KIAA1217: variants seen among roughly 807,000 people sequenced by gnomAD.
The protein encoded by KIAA1217 is KIAA1217.
Under a neutral mutation model 163.9 loss-of-function variants are expected in KIAA1217, and 88 were observed. That is an observed-to-expected ratio of 0.54 (90% CI 0.45 to 0.64). The LOEUF (loss-of-function observed/expected upper bound fraction) is 0.64, where lower values mean the gene tolerates loss of function less well. Among genes scored for constraint, KIAA1217 ranks in the 30% least tolerant of loss-of-function variants. The pLI is 0.00. For missense variants in KIAA1217, 2,372 were observed against 2,475.0 expected, an observed-to-expected ratio of 0.96 and a Z score of 0.88; for synonymous variants, 903 against 923.1, an observed-to-expected ratio of 0.98 and a Z score of 0.39.
intron 1 of KIAA1217, among the ~76,000 whole-genome samples, chr10:23,872,774 A>G (rs1840517645): frequency 6.6e-6 from 1 of 152,116 alleles, no homozygotes; most frequent in South Asian, 2.1e-4. Flanking sequence ...ACAGTAACTC[A>G]GTGAACAGTT....
At chr10:24,149,341 G>A (rs1345551036) in intron 2 of KIAA1217, among the ~76,000 whole-genome samples, 2 of 152,030 alleles carry the variant, frequency 1.3e-5, no homozygotes, top group Middle Eastern at 6.8e-3. Context: ...CACCATGCCC[G>A]ACTAATTTTT....
rs191369645 is a variant in KIAA1217 at position 24,527,818 on chromosome 10, T to G, written c.2899-118T>G. ...ACCCAGGTCTTAAGCCCAGTACCCA[T>G]TAGTTATTTTTCCTGATCCTCTCCT... On this transcript the variant is annotated intron_variant, in intron 13 of 20. Coordinates refer to ENST00000376454, the MANE Select transcript of KIAA1217 (RefSeq NM_019590.5). 71 of 697,494 alleles carry G rather than the reference T, an allele frequency of 1.0e-4. No homozygotes were observed. The African/African-American group carries it at 1.1e-3, about 10-fold the overall frequency. The allele number at this position is 697,494 out of a possible 1,614,324, so 43.2% of individuals were successfully genotyped here. A position where few individuals can be genotyped will look rare whatever the true frequency, so the allele number is the denominator to read the frequency against.
intron 2 of KIAA1217, among the ~76,000 whole-genome samples, chr10:24,355,049 G>T (rs746135266): frequency 6.6e-6 from 1 of 152,176 alleles, no homozygotes; most frequent in African/African-American, 2.4e-5. Flanking sequence ...AGTATTTTTG[G>T]CTGTCTCCAG....
intron 2 of KIAA1217, among the ~76,000 whole-genome samples, chr10:24,311,661 C>T (rs973633341): frequency 5.3e-5 from 8 of 152,154 alleles, no homozygotes; most frequent in African/African-American, 9.7e-5. Context: ...CCATGCTGGG[C>T]GGTACTGCAG....
chr10:23,775,716 A>G (rs1208595283), intron 1 of KIAA1217, among the ~76,000 whole-genome samples: 1 of 152,258 alleles, frequency 6.6e-6, no homozygotes, highest in Non-Finnish European at 1.5e-5. Flanking sequence ...AGGTCATACT[A>G]GTATTTCACA....
chr10:24,068,412 G>T (rs1430970829), intron 2 of KIAA1217, among the ~76,000 whole-genome samples: 1 of 152,018 alleles, frequency 6.6e-6, no homozygotes, highest in East Asian at 1.9e-4. Context: ...GAGCATTTTG[G>T]TGACAGTTAT....
chr10:23,842,148 G>A (rs1197681371), intron 1 of KIAA1217, among the ~76,000 whole-genome samples: 1 of 152,136 alleles, frequency 6.6e-6, no homozygotes, highest in African/African-American at 2.4e-5. Flanking sequence ...GATTACAGGT[G>A]TGAGCCACCG....
chr10:24,090,081 G>A (rs921636937), intron 2 of KIAA1217, among the ~76,000 whole-genome samples: 5 of 151,264 alleles, frequency 3.3e-5, no homozygotes, highest in Non-Finnish European at 7.4e-5. Flanking sequence ...CTCCTCTGCC[G>A]TCTAAAGTGG....
chr10:23,700,488 C>T (rs763687071), intron 1 of KIAA1217, among the ~76,000 whole-genome samples: 1 of 151,918 alleles, frequency 6.6e-6, no homozygotes, highest in Non-Finnish European at 1.5e-5. Context: ...TAATATTTTC[C>T]CATTTCTCTC....
chr10:24,544,696 CCT>C (rs2075513248), intron 19 of KIAA1217, among the ~76,000 whole-genome samples: 1 of 151,898 alleles, frequency 6.6e-6, no homozygotes, highest in Non-Finnish European at 1.5e-5. Flanking sequence ...TCTGTTTTTG[CCT>C]CTGTTGCTGA....
chr10:23,748,016 T>C (rs559658319), intron 1 of KIAA1217, among the ~76,000 whole-genome samples: 5 of 152,188 alleles, frequency 3.3e-5, no homozygotes, highest in African/African-American at 9.6e-5. Flanking sequence ...ATCAATTCCA[T>C]TGGAAACCCC....
chr10:24,032,200 G>A (rs997909134), intron 2 of KIAA1217, among the ~76,000 whole-genome samples: 1 of 152,140 alleles, frequency 6.6e-6, no homozygotes, highest in Non-Finnish European at 1.5e-5. Flanking sequence ...ACCCTTGTAA[G>A]TTACAGTCAA....
intron 1 of KIAA1217, among the ~76,000 whole-genome samples, chr10:23,864,036 A>G (rs554592067): frequency 1.9e-4 from 29 of 152,086 alleles, no homozygotes; most frequent in Non-Finnish European, 3.4e-4. Flanking sequence ...CTTTCCATAC[A>G]TGATTATTGA....
intron 2 of KIAA1217, among the ~76,000 whole-genome samples, chr10:24,370,264 C>CAAAAAAAAAAAAAAAAA (rs5783891): frequency 1.4e-5 from 1 of 73,430 alleles, no homozygotes; most frequent in African/African-American, 5.2e-5. Context: ...GACTCTGTCT[C>CAAAAAAAAAAAAAAAAA]AAAAAAAAAA....
intron 11 of KIAA1217, 29 bp from the exon 12 acceptor site, chr10:24,521,753 C>T: frequency 6.2e-7 from 1 of 1,602,260 alleles, no homozygotes; most frequent in Non-Finnish European, 8.5e-7. Flanking sequence ...TTTTTCTCCT[C>T]CAATTCACCT....
intron 1 of KIAA1217, among the ~76,000 whole-genome samples, chr10:23,822,213 G>A (rs145688638): frequency 3.3e-5 from 5 of 152,132 alleles, no homozygotes; most frequent in Non-Finnish European, 4.4e-5. Context: ...AGCCTGCATA[G>A]GGCTTTTTTC....
At chr10:24,399,009 T>C (rs1440646067) in intron 3 of KIAA1217, among the ~76,000 whole-genome samples, 1 of 152,216 alleles carries the variant, frequency 6.6e-6, no homozygotes, top group African/African-American at 2.4e-5. Flanking sequence ...CTGACTTTCC[T>C]GGTAGGGTTG....
intron 3 of KIAA1217, among the ~76,000 whole-genome samples, chr10:24,403,747 AAAG>A (rs1272220050): frequency 6.6e-6 from 1 of 152,234 alleles, no homozygotes; most frequent in African/African-American, 2.4e-5. Context: ...AAGCACATGA[AAAG>A]ATGTTCAACA....
chr10:23,980,994 A>G (rs1257460726), intron 1 of KIAA1217, among the ~76,000 whole-genome samples: 2 of 152,242 alleles, frequency 1.3e-5, no homozygotes, highest in African/African-American at 4.8e-5. Flanking sequence ...CAATATGTCC[A>G]TCAAGTAACT....
Sources: allele counts gnomAD v4.1 joint callset (sites outside exome capture counted in the v4.1 genomes callset), GRCh38; gene constraint gnomAD v4.1.1; transcripts MANE v1.5; gene names NCBI Gene and HGNC (gene_info 2026-07-23, HGNC 2026-07-21).